MAP4K5: variants seen among roughly 807,000 people sequenced by gnomAD.
MAP4K5 encodes mitogen-activated protein kinase kinase kinase kinase 5, also known as MAPK/ERK kinase kinase kinase 5.
Under a neutral mutation model 135.6 loss-of-function variants are expected in MAP4K5, and 82 were observed. That is an observed-to-expected ratio of 0.60 (90% CI 0.51 to 0.73). MAP4K5 has a LOEUF of 0.73. MAP4K5 is among the 30% of genes least tolerant of loss of function. The pLI, the probability that MAP4K5 is intolerant of heterozygous loss-of-function variation, is 0.00. For missense variants in MAP4K5, 907 were observed against 1,010.9 expected, an observed-to-expected ratio of 0.90 and a Z score of 1.39; for synonymous variants, 347 against 335.0, an observed-to-expected ratio of 1.04 and a Z score of -0.39.
chr14:50,424,594 C>T (rs1566630549), intron 31 of MAP4K5, among the ~76,000 whole-genome samples: 1 of 151,456 alleles, frequency 6.6e-6, no homozygotes, highest in Non-Finnish European at 1.5e-5. Flanking sequence ...CCTGTAATCC[C>T]AGCTACTCAG....
Position 50,504,845 on chromosome 14 carries a change from G to A in MAP4K5, c.121C>T (p.His41Tyr), listed in dbSNP as rs34726242. The A allele has an allele frequency of 3.5e-4, 542 of 1,549,220 alleles. 2 individuals are homozygous for A. In the African/African-American group the frequency reaches 6.4e-3, roughly 18 times the overall value. ...TTTACTGCAGCCAGCTCTCCTGTGT[G>A]TACATTTCTGGCCTAAAAATAAAAT... is the stretch of plus-strand genomic sequence containing the variant. Reference protein sequence around the residue: ...YGDVYKARNVHTGELAAVKII... With the variant: ...YGDVYKARNVYTGELAAVKII... The change falls in exon 3 of 33, where the codon CAC becomes TAC. Residue 41 changes from histidine to tyrosine, a missense_variant. His to Tyr is a moderately conservative substitution (Grantham distance 83, BLOSUM62 2). Around this residue, in one of 3 missense-constraint regions of MAP4K5, gnomAD observed 196 missense variants for 189.3 expected, o/e 1.04. Coordinates refer to ENST00000682126, the MANE Select transcript of MAP4K5 (RefSeq NM_006575.6).
At chr14:50,421,403 C>A (rs1389067495) in intron 32 of MAP4K5, among the ~76,000 whole-genome samples, 1 of 151,524 alleles carries the variant, frequency 6.6e-6, no homozygotes, top group Admixed American at 6.6e-5. Context: ...GGATTAAAGG[C>A]ATGCACCATC....
intron 1 of MAP4K5, chr14:50,559,298 C>T (rs1485913907): frequency 6.6e-6 from 1 of 152,178 alleles, no homozygotes; most frequent in African/African-American, 2.4e-5. Flanking sequence ...CAGAAGGAAA[C>T]TGTAAGGGAC....
intron 29 of MAP4K5, 95 bp downstream of exon 29, chr14:50,429,097 T>G: frequency 2.7e-6 from 2 of 746,912 alleles, no homozygotes; most frequent in Middle Eastern, 7.0e-4. Context: ...ACATTTTTAG[T>G]AAAAACAGTA....
At chr14:50,475,809 A>G (rs930370584) in intron 8 of MAP4K5, among the ~76,000 whole-genome samples, 1 of 152,248 alleles carries the variant, frequency 6.6e-6, no homozygotes, top group African/African-American at 2.4e-5. Context: ...ACTCTTACAC[A>G]TTCATAGATA....
intron 28 of MAP4K5, among the ~76,000 whole-genome samples, chr14:50,432,092 C>T (rs761029091): frequency 1.6e-4 from 24 of 152,174 alleles, no homozygotes; most frequent in Non-Finnish European, 2.4e-4. Flanking sequence ...TATGTTCAGG[C>T]ACTCATTCAA....
At chr14:50,540,012 T>C (rs1188570113) in intron 2 of MAP4K5, among the ~76,000 whole-genome samples, 1 of 152,066 alleles carries the variant, frequency 6.6e-6, no homozygotes, top group Non-Finnish European at 1.5e-5. Context: ...TTTCAAGGCA[T>C]TGAATGAGGG....
chr14:50,461,021 TATA>T (rs1382880776), intron 13 of MAP4K5, among the ~76,000 whole-genome samples: 1 of 152,198 alleles, frequency 6.6e-6, no homozygotes, highest in Non-Finnish European at 1.5e-5. Context: ...TAGTAGTTAC[TATA>T]ATATTTATTT....
chr14:50,434,316 G>C (rs2036040411), intron 28 of MAP4K5, 78 bp downstream of exon 28: 1 of 1,113,584 alleles, frequency 9.0e-7, no homozygotes, highest in South Asian at 1.6e-5. Flanking sequence ...CTGGTGTTTT[G>C]CTTCTTTTAT....
intron 2 of MAP4K5, among the ~76,000 whole-genome samples, chr14:50,512,705 A>G (rs985378832): frequency 2.0e-5 from 3 of 152,182 alleles, no homozygotes; most frequent in African/African-American, 7.2e-5. Flanking sequence ...AGAAAAAGAG[A>G]TCTTCTAAAC....
chr14:50,524,559 T>A (rs2038219866), intron 2 of MAP4K5, among the ~76,000 whole-genome samples: 1 of 151,268 alleles, frequency 6.6e-6, no homozygotes, highest in African/African-American at 2.4e-5. Flanking sequence ...TACATGGAGC[T>A]TTGAAAACAT....
intron 6 of MAP4K5, among the ~76,000 whole-genome samples, chr14:50,479,709 G>A (rs1373884401): frequency 6.6e-6 from 1 of 152,226 alleles, no homozygotes; most frequent in Non-Finnish European, 1.5e-5. Context: ...TTCTTTGCTT[G>A]TCTGGTAATC....
chr14:50,497,080 T>C (rs1202907888), intron 3 of MAP4K5, among the ~76,000 whole-genome samples: 1 of 152,204 alleles, frequency 6.6e-6, no homozygotes, highest in Non-Finnish European at 1.5e-5. Flanking sequence ...GTGAATAAAT[T>C]AGCAGTACTT....
intron 3 of MAP4K5, among the ~76,000 whole-genome samples, chr14:50,490,430 A>C (rs1229521084): frequency 1.3e-5 from 2 of 152,182 alleles, no homozygotes; most frequent in Admixed American, 6.5e-5. Flanking sequence ...TTGTGTTTTA[A>C]AGTTTTTTGA....
In MAP4K5 at chr14:50,476,249, A is replaced by G. The variant is rs564714463; in HGVS notation, c.426+10T>C. ...AGAATTGGCAATTTAAATGTATTAA[A>G]TGAACTTACTTTGATATCTCTATGC... On this transcript the variant is annotated intron_variant, in intron 7 of 32. Transcript: ENST00000682126. The G allele has an allele frequency of 4.7e-6, 7 of 1,503,708 alleles. No individual in the cohort carries two copies. The highest frequency in any genetic ancestry group is 5.4e-6 in the Non-Finnish European group (6 of 1,116,610). The allele number at this position is 1,503,708 out of a possible 1,614,324, so 93.1% of individuals were successfully genotyped here. A position where few individuals can be genotyped will look rare whatever the true frequency, so the allele number is the denominator to read the frequency against.
intron 26 of MAP4K5, among the ~76,000 whole-genome samples, chr14:50,436,014 G>A (rs1283772783): frequency 1.3e-5 from 2 of 152,044 alleles, no homozygotes; most frequent in Non-Finnish European, 2.9e-5. Context: ...AATATTTATA[G>A]CACATTTGTG....
intron 1 of MAP4K5, among the ~76,000 whole-genome samples, chr14:50,552,961 C>A (rs2038721131): frequency 6.6e-6 from 1 of 152,042 alleles, no homozygotes; most frequent in South Asian, 2.1e-4. Context: ...GCAAAGAATT[C>A]ATGACTAAGA....
chr14:50,530,131 A>T (rs1175225269), intron 2 of MAP4K5, among the ~76,000 whole-genome samples: 1 of 152,132 alleles, frequency 6.6e-6, no homozygotes, highest in Non-Finnish European at 1.5e-5. Flanking sequence ...TTGTGAGGGT[A>T]GAGGAAGCAA....
At chr14:50,497,343 T>C (rs561526152) in intron 3 of MAP4K5, among the ~76,000 whole-genome samples, 45 of 152,252 alleles carry the variant, frequency 3.0e-4, no homozygotes, top group Non-Finnish European at 5.1e-4. Context: ...GGGCATGTAT[T>C]TGTGCCTTCA....
Sources: gnomAD v4.1 joint callset for allele counts (sites outside exome capture counted in the v4.1 genomes callset) on GRCh38, gnomAD v4.1.1 for gene constraint, gnomAD v4.1.1 regional missense constraint, MANE v1.5 for transcripts, NCBI Gene and HGNC (gene_info 2026-07-23, HGNC 2026-07-21) for gene names.